The following MAGI2 variants were observed in gnomAD, a reference collection of about 807,000 sequenced individuals.
MAGI2 encodes membrane associated guanylate kinase, WW and PDZ domain containing 2, also known as membrane-associated guanylate kinase, WW and PDZ domain-containing protein 2.
A neutral mutation model predicts 133.3 loss-of-function variants in MAGI2; 35 were observed. The observed-to-expected ratio is 0.26, with a 90% confidence interval of 0.20 to 0.35. MAGI2 has a LOEUF of 0.35. Ranked by LOEUF, MAGI2 falls within the 10% of genes least tolerant of loss-of-function variation. MAGI2 has a pLI of 1.00. For missense variants in MAGI2, 1,636 were observed against 1,863.4 expected (o/e 0.88, Z 2.25); for synonymous variants, 729 against 710.6 (o/e 1.03, Z -0.41).
chr7:79,307,732 G>A (rs1477468599), intron 1 of MAGI2, among the ~76,000 whole-genome samples: 3 of 152,158 alleles, frequency 2.0e-5, no homozygotes, highest in Admixed American at 6.6e-5. Context: ...GTGGCCTGGA[G>A]CGGAACATTA....
rs1461591298 is a variant in MAGI2, at chr7:78,149,134, G to A, written c.2845+10891C>T. On this transcript the variant is annotated intron_variant, in intron 16 of 21. Transcript: ENST00000354212. ...CAAAGATAATAAAAAATTAAATTCC[G>A]GGTCATGCCAGCCTCATTTCAAATG... 2.6e-5 allele frequency among the ~76,000 whole-genome samples: 4 copies of A among 152,092 alleles called. No homozygotes were observed. In the South Asian group the frequency reaches 6.2e-4, roughly 24 times the overall value.
intron 6 of MAGI2, among the ~76,000 whole-genome samples, chr7:78,391,284 G>A (rs1795877900): frequency 6.6e-6 from 1 of 152,116 alleles, no homozygotes; most frequent in Non-Finnish European, 1.5e-5. Flanking sequence ...AAGTCTGCCA[G>A]CTAGCATTAG....
intron 1 of MAGI2, among the ~76,000 whole-genome samples, chr7:79,342,397 T>A (rs1840968879): frequency 6.6e-6 from 1 of 152,228 alleles, no homozygotes; most frequent in Non-Finnish European, 1.5e-5. Flanking sequence ...AAAACTGTAG[T>A]TGAAGACATG....
At chr7:78,508,292 A>C (rs545363390) in intron 4 of MAGI2, among the ~76,000 whole-genome samples, 1 of 152,202 alleles carries the variant, frequency 6.6e-6, no homozygotes, top group East Asian at 1.9e-4. Context: ...GCACAATTCA[A>C]CTCATAAAAT....
chr7:78,230,431 GTA>G (rs1405294299), intron 10 of MAGI2, among the ~76,000 whole-genome samples: 1 of 152,106 alleles, frequency 6.6e-6, no homozygotes, highest in African/African-American at 2.4e-5. Flanking sequence ...TACCATAGGT[GTA>G]TACAAGTTTT....
intron 6 of MAGI2, among the ~76,000 whole-genome samples, chr7:78,408,456 A>T (rs1797587640): frequency 6.6e-6 from 1 of 152,064 alleles, no homozygotes; most frequent in African/African-American, 2.4e-5. Flanking sequence ...CCTGCAGTTT[A>T]TCTTTGATAC....
Position 79,304,582 on chromosome 7 carries a change from G to A in MAGI2, c.301+148438C>T, listed in dbSNP as rs147731966. 6.2e-3 allele frequency among the ~76,000 whole-genome samples: 935 copies of A among 151,716 alleles called. 4 individuals are homozygous for A. Among genetic ancestry groups the A allele is most frequent in the Non-Finnish European group, 0.011 (728 of 67,866 alleles). On this transcript the variant is annotated intron_variant, in intron 1 of 21. Coordinates refer to ENST00000354212, the MANE Select transcript of MAGI2 (RefSeq NM_012301.4). ...CCCTGGAGAGTGATTGTGTAGATAA[G>A]CTGAAAACTTCCATGATTTAGTCTG...
chr7:78,032,489 A>G (rs1000264397), intron 21 of MAGI2, among the ~76,000 whole-genome samples: 6 of 152,176 alleles, frequency 3.9e-5, no homozygotes, highest in Non-Finnish European at 5.9e-5. Flanking sequence ...TGCTGGGATT[A>G]CATGTTTAAG....
intron 20 of MAGI2, among the ~76,000 whole-genome samples, chr7:78,096,355 G>A (rs993981346): frequency 6.6e-6 from 1 of 152,158 alleles, no homozygotes; most frequent in African/African-American, 2.4e-5. Context: ...AATTATGGTG[G>A]TGTCCATCTC....
At chr7:78,971,331 T>G in intron 2 of MAGI2, among the ~76,000 whole-genome samples, 1 of 152,014 alleles carries the variant, frequency 6.6e-6, no homozygotes, top group Non-Finnish European at 1.5e-5. Context: ...CAATTGGGAA[T>G]AAAAATATTA....
chr7:78,748,895 C>T (rs1823188429), intron 2 of MAGI2, among the ~76,000 whole-genome samples: 1 of 152,118 alleles, frequency 6.6e-6, no homozygotes, highest in Non-Finnish European at 1.5e-5. Flanking sequence ...TCATATATTT[C>T]TTTAGAAAGT....
chr7:79,143,075 A>G (rs536993789), intron 1 of MAGI2, among the ~76,000 whole-genome samples: 8 of 152,340 alleles, frequency 5.3e-5, no homozygotes, highest in African/African-American at 1.9e-4. Flanking sequence ...AAAGATCAGT[A>G]AAATAGATGG....
At chr7:79,343,810 A>G (rs765891486) in intron 1 of MAGI2, among the ~76,000 whole-genome samples, 30 of 152,160 alleles carry the variant, frequency 2.0e-4, no homozygotes, top group Non-Finnish European at 3.5e-4. Flanking sequence ...GGATTATAAA[A>G]CCAAAGAAAC....
intron 20 of MAGI2, among the ~76,000 whole-genome samples, chr7:78,101,217 T>C (rs752424004): frequency 6.6e-6 from 1 of 152,196 alleles, no homozygotes; most frequent in Non-Finnish European, 1.5e-5. Context: ...GGAATTTGCA[T>C]AGAACCCTTT....
At chr7:78,154,704 T>C (rs1414549640) in intron 16 of MAGI2, among the ~76,000 whole-genome samples, 2 of 152,058 alleles carry the variant, frequency 1.3e-5, no homozygotes, top group Non-Finnish European at 2.9e-5. Context: ...ACTTTCAAAT[T>C]ATAGAAAAGG....
chr7:78,598,469 G>C (rs1046932395), intron 3 of MAGI2, among the ~76,000 whole-genome samples: 5 of 152,028 alleles, frequency 3.3e-5, no homozygotes, highest in African/African-American at 7.2e-5. Flanking sequence ...GAATTGAAGG[G>C]AAAGAGGTAG....
intron 2 of MAGI2, among the ~76,000 whole-genome samples, chr7:78,809,372 C>A (rs893899819): frequency 6.6e-6 from 1 of 152,160 alleles, no homozygotes; most frequent in Non-Finnish European, 1.5e-5. Flanking sequence ...GGAGGGCCAC[C>A]CAGGAGCCTA....
Position 78,293,527 on chromosome 7 carries a change from C to T in MAGI2, c.1409-36946G>A, listed in dbSNP as rs535173335. Among the ~76,000 whole-genome samples, 139 of 152,250 alleles carry T rather than the reference C, an allele frequency of 9.1e-4. 1 individual carries two copies. Among genetic ancestry groups the T allele is most frequent in the Middle Eastern group, 3.4e-3 (1 of 294 alleles). On this transcript the variant is annotated intron_variant, in intron 9 of 21. Transcript: ENST00000354212. The stretch of plus-strand genomic sequence containing the variant: ...TCAACCATTGTGGAAGACAGTGTGG[C>T]GATTCCTCAAGGATCTAGACCTAGA...
At chr7:79,399,837 G>A (rs13228109) in intron 1 of MAGI2, among the ~76,000 whole-genome samples, 7,658 of 152,196 alleles carry the variant, frequency 0.05, 376 homozygotes, top group East Asian at 0.18. Flanking sequence ...AAGATTAATA[G>A]ATCAAAATGT....
Sources: gnomAD v4.1 joint callset for allele counts (sites outside exome capture counted in the v4.1 genomes callset) on GRCh38, gnomAD v4.1.1 for gene constraint, MANE v1.5 for transcripts, NCBI Gene and HGNC (gene_info 2026-07-23, HGNC 2026-07-21) for gene names.